GPATCH2: variants seen among roughly 807,000 people sequenced by gnomAD.
The protein encoded by GPATCH2 is G-patch domain containing 2.
GPATCH2 carries 51 observed loss-of-function variants against 58.0 expected under a neutral mutation model. The ratio of observed to expected loss-of-function variants is 0.88; its 90% CI spans 0.70 to 1.11. The LOEUF is 1.11. Ranked by LOEUF, GPATCH2 falls within the 50% of genes most tolerant of loss-of-function variation. The probability of loss-of-function intolerance (pLI) is 0.00; values close to 1 mark genes in which losing one functional copy is unlikely to be tolerated. For synonymous variants in GPATCH2, 222 were observed against 218.5 expected, an observed-to-expected ratio of 1.02 and a Z score of -0.14; for missense variants, 625 against 652.2, an observed-to-expected ratio of 0.96 and a Z score of 0.45.
At chr1:217,499,381 A>AT (rs1281564333) in intron 6 of GPATCH2, among the ~76,000 whole-genome samples, 2 of 152,170 alleles carry the variant, frequency 1.3e-5, no homozygotes, top group Admixed American at 1.3e-4. Flanking sequence ...GCTTACTTGC[A>AT]TAAGGTGTGT....
At chr1:217,463,142 A>G (rs925437057) in intron 8 of GPATCH2, among the ~76,000 whole-genome samples, 8 of 152,194 alleles carry the variant, frequency 5.3e-5, no homozygotes, top group Non-Finnish European at 4.4e-5. Context: ...GGTTGAGATC[A>G]TATTTTATTG....
At position 217,620,554 on chromosome 1, in the gene GPATCH2, TC is replaced by T. The variant is rs1400331064; in HGVS notation, c.57-56del. On this transcript the variant is annotated intron_variant, in intron 1 of 9. Coordinates refer to ENST00000366935, the MANE Select transcript of GPATCH2 (RefSeq NM_018040.5). Reference sequence around the variant, plus strand: ...ATAGTCAGTCTTAACCACAGTAACCTCATTTTCTATAACAGACAATTCATTC... The same window carrying T: ...ATAGTCAGTCTTAACCACAGTAACCTATTTTCTATAACAGACAATTCATTC... 5 of 967,012 alleles carry T rather than the reference TC, an allele frequency of 5.2e-6. No individual in the cohort carries two copies. In the African/African-American group the frequency reaches 8.2e-5, roughly 16 times the overall value. 59.9% of individuals were successfully genotyped at this position (967,012 alleles called of 1,614,324 possible).
intron 8 of GPATCH2, among the ~76,000 whole-genome samples, chr1:217,486,866 C>T (rs1320052771): frequency 6.6e-6 from 1 of 152,174 alleles, no homozygotes; most frequent in Non-Finnish European, 1.5e-5. Context: ...TTCTTCAGCA[C>T]TGGGTTTTAG....
intron 5 of GPATCH2, among the ~76,000 whole-genome samples, chr1:217,563,901 AG>A: frequency 6.6e-6 from 1 of 152,096 alleles, no homozygotes; most frequent in East Asian, 1.9e-4. Context: ...AAAATTAGCC[AG>A]GCGTGGTGGC....
At chr1:217,532,935 GGC>G (rs1664274790) in intron 5 of GPATCH2, among the ~76,000 whole-genome samples, 4 of 131,810 alleles carry the variant, frequency 3.0e-5, no homozygotes, top group African/African-American at 5.7e-5. Context: ...ATCTCCCTCT[GGC>G]ACCCAGGCTG....
chr1:217,539,821 A>G (rs948420630), intron 5 of GPATCH2, among the ~76,000 whole-genome samples: 3 of 152,178 alleles, frequency 2.0e-5, no homozygotes, highest in Non-Finnish European at 4.4e-5. Context: ...AATGCATAGG[A>G]AACAATGGCA....
rs1211370138 is a variant in GPATCH2 at position 217,429,384 on chromosome 1, A to C, written c.*1761T>G. ...CTAGGTACAATATCCCTGGGAAAGA[A>C]GATAATTCTCAAGAAATGTACATTT... On this transcript the variant is annotated 3_prime_UTR_variant, in exon 10 of 10. Transcript: ENST00000366935. The C allele has an allele frequency of 1.3e-5, 2 of 152,190 alleles. No individual in the cohort carries two copies. The highest frequency in any genetic ancestry group is 2.9e-5 in the Non-Finnish European group (2 of 68,046). 9.4% of individuals were successfully genotyped at this position (152,190 alleles called of 1,614,324 possible).
intron 8 of GPATCH2, among the ~76,000 whole-genome samples, chr1:217,453,041 TTTAG>T (rs1395440182): frequency 6.6e-6 from 1 of 152,216 alleles, no homozygotes; most frequent in Non-Finnish European, 1.5e-5. Flanking sequence ...TACTCTGTTA[TTTAG>T]TTGTCACTCT....
intron 8 of GPATCH2, among the ~76,000 whole-genome samples, chr1:217,484,128 A>G (rs1661340336): frequency 6.6e-6 from 1 of 152,136 alleles, no homozygotes; most frequent in Non-Finnish European, 1.5e-5. Flanking sequence ...GTCAAATATT[A>G]TTGTGTCTAT....
At chr1:217,612,120 C>T (rs1161585526) in intron 3 of GPATCH2, among the ~76,000 whole-genome samples, 2 of 151,778 alleles carry the variant, frequency 1.3e-5, no homozygotes, top group Non-Finnish European at 2.9e-5. Context: ...TTTGGGGTTA[C>T]AGTGAGCTAT....
At chr1:217,472,887 C>G (rs1660792929) in intron 8 of GPATCH2, among the ~76,000 whole-genome samples, 1 of 152,146 alleles carries the variant, frequency 6.6e-6, no homozygotes, top group South Asian at 2.1e-4. Context: ...GCTGAAATGG[C>G]TTTGGCATTG....
Position 217,429,825 on chromosome 1 carries a change from C to CAAAAAAAAAAAAAAA in GPATCH2, c.*1305_*1319dup. 1 of 87,982 alleles carries CAAAAAAAAAAAAAAA rather than the reference C, an allele frequency of 1.1e-5. No individual in the cohort carries two copies. Among genetic ancestry groups the CAAAAAAAAAAAAAAA allele is most frequent in the Non-Finnish European group, 2.2e-5 (1 of 44,770 alleles). The allele number at this position is 87,982 out of a possible 1,614,324, so 5.5% of individuals were successfully genotyped here. ...CCTGGGCGACAGAGGCAGACTCTGT[C>CAAAAAAAAAAAAAAA]AAAAAAAAAAAAAAAAAAAAAGAAA... is the stretch of plus-strand genomic sequence containing the variant. On this transcript the variant is annotated 3_prime_UTR_variant, in exon 10 of 10. Transcript: ENST00000366935.
chr1:217,445,930 T>A (rs186992230), intron 9 of GPATCH2, among the ~76,000 whole-genome samples: 5 of 152,292 alleles, frequency 3.3e-5, no homozygotes, highest in Admixed American at 3.3e-4. Context: ...AGGCTTTAAA[T>A]CTTTTATTAA....
intron 8 of GPATCH2, among the ~76,000 whole-genome samples, chr1:217,478,883 A>G (rs1018905593): frequency 7.9e-5 from 12 of 152,174 alleles, no homozygotes; most frequent in African/African-American, 2.9e-4. Flanking sequence ...GCAGCAAGAG[A>G]AAAGAAACAA....
At chr1:217,528,619 A>AGG (rs1664039832) in intron 5 of GPATCH2, among the ~76,000 whole-genome samples, 1 of 152,180 alleles carries the variant, frequency 6.6e-6, no homozygotes, top group Admixed American at 6.5e-5. Flanking sequence ...GGGGGGACTG[A>AGG]GGGATGTCTG....
rs576099971 is a variant in GPATCH2 at position 217,567,975 on chromosome 1, A to G, written c.1098+42346T>C. 5.3e-4 allele frequency among the ~76,000 whole-genome samples: 80 copies of G among 152,210 alleles called. 1 individual carries two copies. In the East Asian group the frequency reaches 9.3e-3, roughly 18 times the overall value. On this transcript the variant is annotated intron_variant, in intron 5 of 9. Coordinates refer to ENST00000366935, the MANE Select transcript of GPATCH2 (RefSeq NM_018040.5). ...ACTAAAAATACAAAAAAATTAGCCG[A>G]GCACGGTGGCGGGCGCCTGCAGTCC...
At chr1:217,624,497 G>C (rs912887885) in intron 1 of GPATCH2, among the ~76,000 whole-genome samples, 2 of 152,222 alleles carry the variant, frequency 1.3e-5, no homozygotes, top group Non-Finnish European at 2.9e-5. Context: ...AGCCCGGGAG[G>C]CAGAGAGACT....
At chr1:217,472,306 T>G (rs1003404074) in intron 8 of GPATCH2, among the ~76,000 whole-genome samples, 13 of 147,888 alleles carry the variant, frequency 8.8e-5, no homozygotes, top group African/African-American at 2.7e-4. Context: ...CTTTTTTTTT[T>G]TTTTTTTTTT....
rs71556690 is a variant in GPATCH2, at chr1:217,584,344, A to AATATATATATATAT, written c.1098+25963_1098+25976dup. 4.5e-4 allele frequency among the ~76,000 whole-genome samples: 46 copies of AATATATATATATAT among 101,630 alleles called. No homozygotes were observed. In the East Asian group the frequency reaches 6.2e-3, roughly 14 times the overall value. 66.7% of individuals were successfully genotyped at this position (101,630 alleles called of 152,430 possible). A position where few individuals can be genotyped will look rare whatever the true frequency, so the allele number is the denominator to read the frequency against. ...CTCACCTCTACTAAAAAAAAAAAAA[A>AATATATATATATAT]ATATATATATATATATATATACACA... On this transcript the variant is annotated intron_variant, in intron 5 of 9. Transcript: ENST00000366935.
Sources: allele counts gnomAD v4.1 joint callset (sites outside exome capture counted in the v4.1 genomes callset), GRCh38; gene constraint gnomAD v4.1.1; transcripts MANE v1.5; gene names NCBI Gene and HGNC (gene_info 2026-07-23, HGNC 2026-07-21).